Variants in AOAH observed in about 807,000 individuals in gnomAD.
AOAH encodes the protein acyloxyacyl hydrolase.
A neutral mutation model predicts 92.2 loss-of-function variants in AOAH; 64 were observed. That is an observed-to-expected ratio of 0.69 (90% CI 0.57 to 0.86). The LOEUF is 0.86. Ranked by LOEUF, AOAH falls within the 40% of genes least tolerant of loss-of-function variation. The pLI is 0.00. For synonymous variants in AOAH, 263 were observed against 254.5 expected (o/e 1.03, Z -0.32); for missense variants, 656 against 694.6 (o/e 0.94, Z 0.62).
intron 11 of AOAH, among the ~76,000 whole-genome samples, chr7:36,603,509 A>G (rs1790755595): frequency 6.6e-6 from 1 of 152,114 alleles, no homozygotes; most frequent in South Asian, 2.1e-4. Context: ...TGCCTAGCTG[A>G]CTGCACCTAA....
chr7:36,526,302 T>C (rs1264402146), intron 19 of AOAH, among the ~76,000 whole-genome samples: 2 of 152,244 alleles, frequency 1.3e-5, no homozygotes. Context: ...GTGAGGGATA[T>C]GGGTCATCAC....
At chr7:36,603,109 T>C (rs909166819) in intron 11 of AOAH, among the ~76,000 whole-genome samples, 5 of 152,136 alleles carry the variant, frequency 3.3e-5, no homozygotes, top group African/African-American at 1.2e-4. Flanking sequence ...CCTGATTGGG[T>C]AGGTTTGTGG....
chr7:36,594,310 A>C, intron 12 of AOAH, 29 bp downstream of exon 12: 1 of 1,553,630 alleles, frequency 6.4e-7, no homozygotes, highest in Non-Finnish European at 8.9e-7. Context: ...GAGGTATTGA[A>C]ATGTCTGAGG....
intron 13 of AOAH, among the ~76,000 whole-genome samples, chr7:36,559,735 T>G (rs1336909147): frequency 6.6e-6 from 1 of 152,242 alleles, no homozygotes; most frequent in East Asian, 1.9e-4. Flanking sequence ...CAGAAGCTCT[T>G]TAATTAGGTC....
At chr7:36,552,684 A>T (rs895864857) in intron 13 of AOAH, among the ~76,000 whole-genome samples, 48 of 152,192 alleles carry the variant, frequency 3.2e-4, no homozygotes, top group African/African-American at 1.1e-3. Context: ...CTTTTTAATA[A>T]TCGCTGCTCT....
intron 16 of AOAH, among the ~76,000 whole-genome samples, chr7:36,536,949 CAA>C (rs11441171): frequency 5.4e-3 from 255 of 47,418 alleles, no homozygotes; most frequent in Middle Eastern, 0.025. Context: ...GACTTCATCT[CAA>C]AAAAAAAAAA....
chr7:36,545,264 C>T (rs1223648103), intron 15 of AOAH, among the ~76,000 whole-genome samples: 1 of 152,158 alleles, frequency 6.6e-6, no homozygotes, highest in Non-Finnish European at 1.5e-5. Flanking sequence ...ATACATTAAA[C>T]ATCCCTTAAA....
At chr7:36,678,600 T>TGTGTGTGTGTGTGCGCGCGCGC (rs549317369) in intron 2 of AOAH, among the ~76,000 whole-genome samples, 3 of 131,034 alleles carry the variant, frequency 2.3e-5, no homozygotes, top group Non-Finnish European at 3.4e-5. Flanking sequence ...TGTGTGTGTG[T>TGTGTGTGTGTGTGCGCGCGCGC]GCGCGCGCGC....
At chr7:36,678,600 T>TGTGTGTGTGTGTGTGTGTGTGTGTGCGC (rs549317369) in intron 2 of AOAH, among the ~76,000 whole-genome samples, 16 of 131,074 alleles carry the variant, frequency 1.2e-4, no homozygotes, top group South Asian at 2.8e-4. Context: ...TGTGTGTGTG[T>TGTGTGTGTGTGTGTGTGTGTGTGTGCGC]GCGCGCGCGC....
At chr7:36,585,364 C>T (rs989448729) in intron 12 of AOAH, among the ~76,000 whole-genome samples, 4 of 152,058 alleles carry the variant, frequency 2.6e-5, no homozygotes, top group South Asian at 2.1e-4. Context: ...GAACAATATC[C>T]AGTATTGGCA....
At chr7:36,604,922 C>G (rs1023037151) in intron 11 of AOAH, among the ~76,000 whole-genome samples, 7 of 152,234 alleles carry the variant, frequency 4.6e-5, no homozygotes, top group African/African-American at 1.7e-4. Flanking sequence ...CTGCTTTCTG[C>G]TCCGCTTTCC....
At chr7:36,556,062 T>C (rs1786682463) in intron 13 of AOAH, among the ~76,000 whole-genome samples, 2 of 152,204 alleles carry the variant, frequency 1.3e-5, no homozygotes, top group Non-Finnish European at 1.5e-5. Flanking sequence ...TCTAGTTCTT[T>C]TAATTGTGAT....
chr7:36,552,411 G>GTTTCCTC (rs931398663), intron 13 of AOAH, among the ~76,000 whole-genome samples: 1 of 152,068 alleles, frequency 6.6e-6, no homozygotes, highest in African/African-American at 2.4e-5. Context: ...TCATCAATGG[G>GTTTCCTC]TATTTGGGTT....
At chr7:36,548,577 A>G (rs773934755) in intron 15 of AOAH, 35 bp downstream of exon 15, 1 of 1,583,688 alleles carries the variant, frequency 6.3e-7, no homozygotes, top group South Asian at 1.1e-5. Context: ...CCCAGAGCCA[A>G]AGAATCTTGA....
chr7:36,610,966 G>A (rs781380926), intron 11 of AOAH, among the ~76,000 whole-genome samples: 8 of 152,164 alleles, frequency 5.3e-5, no homozygotes, highest in Non-Finnish European at 1.0e-4. Context: ...AGACCACCCC[G>A]GACGCACGGG....
At chr7:36,703,923 C>A (rs1489933826) in intron 1 of AOAH, among the ~76,000 whole-genome samples, 1 of 152,192 alleles carries the variant, frequency 6.6e-6, no homozygotes, top group Non-Finnish European at 1.5e-5. Context: ...TACACTCCCA[C>A]CAACAGTGTA....
At chr7:36,640,023 T>C (rs1584007832) in intron 4 of AOAH, among the ~76,000 whole-genome samples, 1 of 152,164 alleles carries the variant, frequency 6.6e-6, no homozygotes. Flanking sequence ...GAGGCTGTGC[T>C]GAGGCGGGAT....
Position 36,724,060 on chromosome 7 carries a change from T to C in AOAH, c.89A>G (p.Gln30Arg). 6.2e-7 allele frequency: 1 copy of C among 1,613,802 alleles called. No homozygotes were observed. Among genetic ancestry groups the C allele is most frequent in the Middle Eastern group, 1.7e-4 (1 of 6,058 alleles). Residue 30 changes from glutamine (Q) to arginine (R), a missense_variant, in exon 1 of 21, where the codon CAG (glutamine) becomes CGG (arginine). Gln to Arg is a conservative substitution (Grantham distance 43). Coordinates refer to ENST00000617537, the MANE Select transcript of AOAH (RefSeq NM_001637.4). ...QSSASPANDD[Q>R]SRPSLSNGHT... ...CCCATTCGAGAGGCTGGGCCTGGAC[T>C]GGTCATCGTTGGCTGGAGAGGCCGA...
chr7:36,577,486 C>A (rs778234903), intron 12 of AOAH, among the ~76,000 whole-genome samples: 1 of 152,162 alleles, frequency 6.6e-6, no homozygotes. Flanking sequence ...ATTTTCTAAA[C>A]CTTTCTGTGT....
Sources: allele counts gnomAD v4.1 joint callset (sites outside exome capture counted in the v4.1 genomes callset), GRCh38; gene constraint gnomAD v4.1.1; transcripts MANE v1.5; gene names NCBI Gene and HGNC (gene_info 2026-07-23, HGNC 2026-07-21).